The following CSMD1 variants were observed in gnomAD, a reference collection of about 807,000 sequenced individuals.
The protein encoded by CSMD1 is CUB and sushi domain-containing protein 1.
A neutral mutation model predicts 417.5 loss-of-function variants in CSMD1; 213 were observed. The ratio of observed to expected loss-of-function variants is 0.51; its 90% CI spans 0.46 to 0.57. The LOEUF (loss-of-function observed/expected upper bound fraction) is 0.57. Ranked by LOEUF, CSMD1 falls within the 20% of genes least tolerant of loss-of-function variation. The pLI is 0.00. For missense variants in CSMD1, 6,923 were observed against 4,529.7 expected (o/e 1.53, Z -15.17); for synonymous variants, 2,862 against 1,736.8 (o/e 1.65, Z -16.11).
intron 10 of CSMD1, among the ~76,000 whole-genome samples, chr8:3,564,575 A>G (rs1343615099): frequency 7.2e-6 from 1 of 138,942 alleles, no homozygotes; most frequent in Non-Finnish European, 1.6e-5. Flanking sequence ...CAAGCAAATC[A>G]AAAGCATGGC....
intron 1 of CSMD1, among the ~76,000 whole-genome samples, chr8:4,931,820 AAG>A (rs1563799025): frequency 6.6e-6 from 1 of 152,222 alleles, no homozygotes; most frequent in Non-Finnish European, 1.5e-5. Flanking sequence ...TTAGCTTGTT[AAG>A]AGTTTTAAAA....
Position 4,761,471 on chromosome 8 carries a change from C to T in CSMD1, c.86-123913G>A, listed in dbSNP as rs1289570211. On this transcript the variant is annotated intron_variant, in intron 1 of 69. Coordinates refer to ENST00000635120, the MANE Select transcript of CSMD1 (RefSeq NM_033225.6). ...ATTTTACCTGTTTCCTTTATAATTT[C>T]TAGTGTGAATACTAAACATTTAATA... is the stretch of plus-strand genomic sequence containing the variant. Among the ~76,000 whole-genome samples, 12 of 151,890 alleles carry T rather than the reference C, an allele frequency of 7.9e-5. 1 individual carries two copies. The South Asian group carries it at 2.5e-3, about 32-fold the overall frequency.
At chr8:4,192,661 CCTTAAATCTGCACTTAAAT>C (rs777497294) in intron 3 of CSMD1, among the ~76,000 whole-genome samples, 10 of 152,160 alleles carry the variant, frequency 6.6e-5, no homozygotes, top group Non-Finnish European at 1.3e-4. Flanking sequence ...GTGAGAAAAA[CCTTAAATCTGCACTTAAAT>C]CTTAAATCTG....
At chr8:4,815,833 G>T (rs1457561207) in intron 1 of CSMD1, among the ~76,000 whole-genome samples, 1 of 151,836 alleles carries the variant, frequency 6.6e-6, no homozygotes, top group African/African-American at 2.4e-5. Flanking sequence ...CTAAATGTTG[G>T]CTCCCAAGAA....
intron 5 of CSMD1, among the ~76,000 whole-genome samples, chr8:3,921,689 T>G (rs1272660492): frequency 6.6e-6 from 1 of 152,182 alleles, no homozygotes; most frequent in Admixed American, 6.6e-5. Flanking sequence ...CACATATTTG[T>G]AAACTAATTT....
intron 5 of CSMD1, among the ~76,000 whole-genome samples, chr8:3,878,289 A>G (rs966306433): frequency 6.6e-6 from 1 of 152,186 alleles, no homozygotes; most frequent in African/African-American, 2.4e-5. Flanking sequence ...AAATAAATCA[A>G]TCTCTTCTCC....
chr8:3,521,786 T>C (rs1281072140), intron 10 of CSMD1, among the ~76,000 whole-genome samples: 1 of 152,186 alleles, frequency 6.6e-6, no homozygotes, highest in Non-Finnish European at 1.5e-5. Context: ...ATGCATTGAA[T>C]GACAAAGAAT....
At chr8:4,125,069 G>T (rs947845747) in intron 3 of CSMD1, among the ~76,000 whole-genome samples, 1 of 152,148 alleles carries the variant, frequency 6.6e-6, no homozygotes, top group East Asian at 1.9e-4. Flanking sequence ...ACTCGCCGCT[G>T]CAGTCCACGG....
At chr8:4,285,852 CA>C (rs1286371055) in intron 3 of CSMD1, among the ~76,000 whole-genome samples, 1 of 152,156 alleles carries the variant, frequency 6.6e-6, no homozygotes, top group Non-Finnish European at 1.5e-5. Flanking sequence ...TAATCAGGAA[CA>C]AAATCTACTT....
At chr8:4,884,896 C>A (rs1412406687) in intron 1 of CSMD1, among the ~76,000 whole-genome samples, 6 of 152,036 alleles carry the variant, frequency 3.9e-5, no homozygotes, top group African/African-American at 1.5e-4. Context: ...TCAATTTTTG[C>A]AACATAGATA....
At chr8:3,110,885 T>G (rs1457502561) in intron 42 of CSMD1, among the ~76,000 whole-genome samples, 1 of 152,268 alleles carries the variant, frequency 6.6e-6, no homozygotes, top group African/African-American at 2.4e-5. Context: ...CAGTTTTTAC[T>G]AGTGTTCAAT....
chr8:4,154,106 G>A (rs974311904), intron 3 of CSMD1, among the ~76,000 whole-genome samples: 2 of 152,188 alleles, frequency 1.3e-5, no homozygotes, highest in African/African-American at 4.8e-5. Flanking sequence ...CAAAGAGTCA[G>A]GAGTCTGGCT....
intron 5 of CSMD1, among the ~76,000 whole-genome samples, chr8:3,860,224 T>C (rs745545391): frequency 1.3e-5 from 2 of 152,154 alleles, no homozygotes; most frequent in South Asian, 2.1e-4. Context: ...CCAGGTCGTG[T>C]TCTCCAACTG....
At chr8:4,603,496 A>T (rs1373588434) in intron 2 of CSMD1, among the ~76,000 whole-genome samples, 1 of 152,178 alleles carries the variant, frequency 6.6e-6, no homozygotes, top group Non-Finnish European at 1.5e-5. Flanking sequence ...AAAGGTAAGT[A>T]TTAATCCTAT....
At chr8:3,756,957 T>C (rs1424446904) in intron 5 of CSMD1, among the ~76,000 whole-genome samples, 1 of 152,114 alleles carries the variant, frequency 6.6e-6, no homozygotes, top group African/African-American at 2.4e-5. Flanking sequence ...CATATCTGGA[T>C]AGTTTTGTAA....
In CSMD1 at chr8:3,219,580, T is replaced by A. The variant is rs1056305956; in HGVS notation, c.4485-138A>T. ...CAGTTAGGGCAATCAAAAAGTTAAA[T>A]GTAGTATGAATCAAAATATTAATAA... On this transcript the variant is annotated intron_variant, in intron 28 of 69. Transcript: ENST00000635120. The A allele has an allele frequency of 1.4e-5, 8 of 574,526 alleles. No individual in the cohort carries two copies. In the African/African-American group the frequency reaches 1.5e-4, roughly 11 times the overall value. 35.6% of individuals were successfully genotyped at this position (574,526 alleles called of 1,614,324 possible). A position where few individuals can be genotyped will look rare whatever the true frequency, so the allele number is the denominator to read the frequency against.
chr8:4,785,801 C>A (rs972584365), intron 1 of CSMD1, among the ~76,000 whole-genome samples: 2 of 152,074 alleles, frequency 1.3e-5, no homozygotes, highest in East Asian at 1.9e-4. Flanking sequence ...ATAAGTGTTG[C>A]CCAGACTCGT....
intron 1 of CSMD1, among the ~76,000 whole-genome samples, chr8:4,804,644 T>G (rs1410187954): frequency 6.6e-6 from 1 of 152,042 alleles, no homozygotes; most frequent in Non-Finnish European, 1.5e-5. Context: ...AGAGATAATA[T>G]TACAAAGAAT....
chr8:4,216,848 G>C (rs559200265), intron 3 of CSMD1, among the ~76,000 whole-genome samples: 2 of 152,290 alleles, frequency 1.3e-5, no homozygotes, highest in Middle Eastern at 6.8e-3. Flanking sequence ...TGGGGTGTCA[G>C]ACCCACACCA....
Sources: allele counts gnomAD v4.1 joint callset (sites outside exome capture counted in the v4.1 genomes callset), GRCh38; gene constraint gnomAD v4.1.1; transcripts MANE v1.5; gene names NCBI Gene and HGNC (gene_info 2026-07-23, HGNC 2026-07-21).